Variants in CLSTN2 observed in about 807,000 individuals in gnomAD.
CLSTN2 encodes calsyntenin-2.
In CLSTN2, 48 loss-of-function variants were observed where a neutral mutation model predicts 101.2. That is an observed-to-expected ratio of 0.47 (90% CI 0.38 to 0.60). The LOEUF is 0.60. CLSTN2 is among the 20% of genes least tolerant of loss of function. The pLI, the probability that CLSTN2 is intolerant of heterozygous loss-of-function variation, is 0.00. For synonymous variants in CLSTN2, 481 were observed against 463.6 expected (o/e 1.04, Z -0.48); for missense variants, 1,160 against 1,238.2 (o/e 0.94, Z 0.95).
At chr3:140,106,153 C>T (rs984156316) in intron 1 of CLSTN2, among the ~76,000 whole-genome samples, 4 of 152,116 alleles carry the variant, frequency 2.6e-5, no homozygotes, top group Admixed American at 2.0e-4. Flanking sequence ...ACAATCCAAC[C>T]CTGAGCAGCA....
At chr3:139,983,359 A>G (rs1353908875) in intron 1 of CLSTN2, among the ~76,000 whole-genome samples, 2 of 152,180 alleles carry the variant, frequency 1.3e-5, no homozygotes, top group African/African-American at 2.4e-5. Flanking sequence ...TTAGAAAAGA[A>G]GTTTGAAGTT....
intron 2 of CLSTN2, among the ~76,000 whole-genome samples, chr3:140,338,590 G>T (rs1055658489): frequency 6.6e-6 from 1 of 152,190 alleles, no homozygotes; most frequent in Non-Finnish European, 1.5e-5. Flanking sequence ...GTAGTGCTCA[G>T]TGAACGGTGC....
At chr3:140,439,946 A>T (rs2088741168) in intron 5 of CLSTN2, among the ~76,000 whole-genome samples, 1 of 152,194 alleles carries the variant, frequency 6.6e-6, no homozygotes, top group Non-Finnish European at 1.5e-5. Flanking sequence ...ATTTTCATAC[A>T]TCTGCTCACT....
chr3:140,107,007 A>G (rs1438643962), intron 1 of CLSTN2, among the ~76,000 whole-genome samples: 1 of 152,130 alleles, frequency 6.6e-6, no homozygotes, highest in Non-Finnish European at 1.5e-5. Flanking sequence ...TTTTAATGCA[A>G]TTTCACTACT....
chr3:140,476,654 CTT>C (rs564731249), intron 8 of CLSTN2, among the ~76,000 whole-genome samples: 2,556 of 124,560 alleles, frequency 0.021, 48 homozygotes, highest in East Asian at 0.087. Context: ...GTTTTAGCAT[CTT>C]TTTTTTTTTT....
chr3:139,999,189 T>C (rs1419355394), intron 1 of CLSTN2, among the ~76,000 whole-genome samples: 1 of 152,048 alleles, frequency 6.6e-6, no homozygotes, highest in Non-Finnish European at 1.5e-5. Flanking sequence ...ATTTCAACTT[T>C]TATTTTAGAT....
In CLSTN2 at chr3:139,935,425, G is replaced by T. The variant is rs765372505; in HGVS notation, c.51G>T (p.Val17=). 1.6e-6 allele frequency: 2 copies of T among 1,231,348 alleles called. No individual in the cohort carries two copies. Among genetic ancestry groups the T allele is most frequent in the African/African-American group, 1.6e-5 (1 of 64,366 alleles). 76.3% of individuals were successfully genotyped at this position (1,231,348 alleles called of 1,614,324 possible). The change falls in exon 1 of 17, where the codon GTG becomes GTT. Residue 17 remains valine, a synonymous_variant. Coordinates refer to ENST00000458420, the MANE Select transcript of CLSTN2 (RefSeq NM_022131.3). This position sits in a 1 kb window ranked among gnomAD's most constrained non-coding sequence, Gnocchi z 5.5. ...TGCCGCTCCTGCTGGCGCTGGGCGT[G>T]GGGAGCGGCAGCGGCGGTGGCGGGG... The part of the protein sequence containing the change: ...CWVPLLLALG[V]GSGSGGGGDS...
rs535984527 is a variant in CLSTN2 at position 140,062,121 on chromosome 3, C to A, written c.110-113830C>A. ...GCATGAGTGAAATGCATCAGGTATG[C>A]AGGGAAGGCCAGGAGAGTGGTGGGT... On this transcript the variant is annotated intron_variant, in intron 1 of 16. Transcript: ENST00000458420. Among the ~76,000 whole-genome samples the A allele has an allele frequency of 3.9e-5, 6 of 152,096 alleles. No individual in the cohort carries two copies. In the East Asian group the frequency reaches 1.2e-3, roughly 29 times the overall value.
chr3:140,288,602 C>T (rs2086919922), intron 2 of CLSTN2, among the ~76,000 whole-genome samples: 1 of 152,146 alleles, frequency 6.6e-6, no homozygotes, highest in Non-Finnish European at 1.5e-5. Flanking sequence ...TGTATATTGG[C>T]TTGAGGAAAT....
chr3:140,279,946 T>C (rs1024907000), intron 2 of CLSTN2, among the ~76,000 whole-genome samples: 1 of 152,184 alleles, frequency 6.6e-6, no homozygotes, highest in African/African-American at 2.4e-5. Context: ...ACCTGGTGGC[T>C]AAAGCAGTCC....
At chr3:140,512,490 C>A (rs900262069) in intron 8 of CLSTN2, among the ~76,000 whole-genome samples, 3 of 152,098 alleles carry the variant, frequency 2.0e-5, no homozygotes, top group Admixed American at 1.3e-4. Context: ...GTTTTGGTTA[C>A]CAGCATCATT....
intron 1 of CLSTN2, among the ~76,000 whole-genome samples, chr3:140,026,200 A>G (rs1337236276): frequency 2.0e-5 from 3 of 152,170 alleles, no homozygotes; most frequent in Non-Finnish European, 4.4e-5. Context: ...GGAGTTGGGG[A>G]CTATTAAAGT....
chr3:140,522,975 T>TAACA (rs1408202444), intron 8 of CLSTN2, among the ~76,000 whole-genome samples: 1 of 152,240 alleles, frequency 6.6e-6, no homozygotes, highest in Non-Finnish European at 1.5e-5. Flanking sequence ...AGTAATTGTC[T>TAACA]AACACATGCC....
chr3:140,285,701 T>G (rs375388594), intron 2 of CLSTN2, among the ~76,000 whole-genome samples: 9 of 152,340 alleles, frequency 5.9e-5, no homozygotes, highest in African/African-American at 2.2e-4. Context: ...CAAGTTCTCT[T>G]GATGCCAATG....
At chr3:140,142,009 T>C (rs1220218145) in intron 1 of CLSTN2, among the ~76,000 whole-genome samples, 1 of 152,210 alleles carries the variant, frequency 6.6e-6, no homozygotes, top group Non-Finnish European at 1.5e-5. Flanking sequence ...TCAACTGGGA[T>C]AAAATGAAGC....
chr3:140,390,404 C>A (rs1448037532), intron 2 of CLSTN2, among the ~76,000 whole-genome samples: 1 of 152,092 alleles, frequency 6.6e-6, no homozygotes, highest in African/African-American at 2.4e-5. Flanking sequence ...TTACAAATAT[C>A]TAAAGTTTTT....
At chr3:140,321,330 G>C (rs1055846784) in intron 2 of CLSTN2, among the ~76,000 whole-genome samples, 5 of 152,124 alleles carry the variant, frequency 3.3e-5, no homozygotes, top group African/African-American at 1.2e-4. Context: ...CACACCTTCA[G>C]CACCACCTTT....
intron 2 of CLSTN2, among the ~76,000 whole-genome samples, chr3:140,317,596 C>T (rs1007688849): frequency 1.7e-4 from 26 of 152,306 alleles, no homozygotes; most frequent in Non-Finnish European, 3.8e-4. Flanking sequence ...ACCTGCAAAA[C>T]AGAAATTCTG....
At chr3:140,487,253 A>G (rs1001503169) in intron 8 of CLSTN2, among the ~76,000 whole-genome samples, 3 of 152,210 alleles carry the variant, frequency 2.0e-5, no homozygotes, top group African/African-American at 7.2e-5. Context: ...ATCCACAAAG[A>G]TCTCAGAAAT....
Sources: gnomAD v4.1 joint callset for allele counts (sites outside exome capture counted in the v4.1 genomes callset) on GRCh38, gnomAD v4.1.1 for gene constraint, Gnocchi (gnomAD v3.1) non-coding constraint, MANE v1.5 for transcripts, NCBI Gene and HGNC (gene_info 2026-07-23, HGNC 2026-07-21) for gene names.